CDH12: variants seen among roughly 807,000 people sequenced by gnomAD.
The protein encoded by CDH12 is cadherin-12.
Under a neutral mutation model 74.1 loss-of-function variants are expected in CDH12, and 41 were observed. The observed-to-expected ratio is 0.55, with a 90% CI of 0.43 to 0.72. The LOEUF is 0.72. Ranked by LOEUF, CDH12 falls within the 30% of genes least tolerant of loss-of-function variation. The probability of loss-of-function intolerance (pLI) is 0.00; values close to 1 mark genes in which losing one functional copy is unlikely to be tolerated. For missense variants in CDH12, 945 were observed against 977.2 expected (o/e 0.97, Z 0.44); for synonymous variants, 399 against 355.0 (o/e 1.12, Z -1.39).
chr5:22,135,272 G>C (rs1472420699), intron 4 of CDH12, among the ~76,000 whole-genome samples: 3 of 150,462 alleles, frequency 2.0e-5, no homozygotes, highest in Non-Finnish European at 4.4e-5. Flanking sequence ...AACCACCTTA[G>C]AGTGTTTTTG....
chr5:22,101,240 A>G (rs1744122210), intron 4 of CDH12, among the ~76,000 whole-genome samples: 1 of 152,056 alleles, frequency 6.6e-6, no homozygotes, highest in Non-Finnish European at 1.5e-5. Flanking sequence ...ACACAATTTC[A>G]TCTCCATACA....
At chr5:22,674,700 G>A (rs1248614354) in intron 1 of CDH12, among the ~76,000 whole-genome samples, 2 of 152,152 alleles carry the variant, frequency 1.3e-5, no homozygotes, top group African/African-American at 4.8e-5. Flanking sequence ...TAACGATATG[G>A]ACAAAGAGTT....
At position 21,915,822 on chromosome 5, in the gene CDH12, CTGTGTGTGTG is replaced by C. The variant is rs36126825; in HGVS notation, c.526+59259_526+59268del. On this transcript the variant is annotated intron_variant, in intron 6 of 14. Transcript: ENST00000382254. ...GTACACCAGTTTCTGATCATTTGTG[CTGTGTGTGTG>C]TGTGTGTGTGTGTGTGTGTGTGTGT... Among the ~76,000 whole-genome samples the C allele has an allele frequency of 2.0e-3, 278 of 140,124 alleles. 2 individuals are homozygous for C. The highest frequency in any genetic ancestry group is 6.4e-3 in the African/African-American group (242 of 37,770). 91.9% of individuals were successfully genotyped at this position (140,124 alleles called of 152,430 possible). A position where few individuals can be genotyped will look rare whatever the true frequency, so the allele number is the denominator to read the frequency against.
chr5:22,439,336 T>C (rs1020313899), intron 2 of CDH12, among the ~76,000 whole-genome samples: 5 of 152,048 alleles, frequency 3.3e-5, no homozygotes, highest in Non-Finnish European at 5.9e-5. Context: ...AATGTATTGC[T>C]TCAAGAAAAT....
chr5:22,037,822 C>T (rs1449213791), intron 5 of CDH12, among the ~76,000 whole-genome samples: 1 of 152,096 alleles, frequency 6.6e-6, no homozygotes, highest in Non-Finnish European at 1.5e-5. Flanking sequence ...AACAGGAACC[C>T]CAGTGAGCAC....
chr5:21,971,555 G>A (rs1170432982), intron 6 of CDH12, among the ~76,000 whole-genome samples: 1 of 152,062 alleles, frequency 6.6e-6, no homozygotes, highest in African/African-American at 2.4e-5. Context: ...CAAATCAGCT[G>A]ACTCAAGGTG....
chr5:22,243,627 G>T (rs2150382143), intron 3 of CDH12, among the ~76,000 whole-genome samples: 1 of 152,276 alleles, frequency 6.6e-6, no homozygotes, highest in East Asian at 1.9e-4. Context: ...CAAATTAGAT[G>T]CTTTGGAAAC....
intron 6 of CDH12, among the ~76,000 whole-genome samples, chr5:21,898,389 TAAA>T (rs1338640288): frequency 6.6e-6 from 1 of 151,870 alleles, no homozygotes; most frequent in Non-Finnish European, 1.5e-5. Flanking sequence ...GCACTCAACC[TAAA>T]ATTTCTTTTA....
intron 1 of CDH12, among the ~76,000 whole-genome samples, chr5:22,542,038 T>C (rs934164434): frequency 2.6e-5 from 4 of 152,232 alleles, no homozygotes; most frequent in African/African-American, 9.6e-5. Context: ...ACAGATCACT[T>C]TCCTGAGTTT....
At chr5:22,108,197 A>G (rs1396149063) in intron 4 of CDH12, among the ~76,000 whole-genome samples, 1 of 152,074 alleles carries the variant, frequency 6.6e-6, no homozygotes, top group Non-Finnish European at 1.5e-5. Context: ...GTCTCATGAG[A>G]TCTGATGGTT....
At chr5:21,773,053 A>G (rs1745404934) in intron 11 of CDH12, among the ~76,000 whole-genome samples, 1 of 152,296 alleles carries the variant, frequency 6.6e-6, no homozygotes, top group East Asian at 1.9e-4. Context: ...TACATAGCAT[A>G]TAATAATGAG....
chr5:21,907,161 G>A (rs1055172210), intron 6 of CDH12, among the ~76,000 whole-genome samples: 2 of 152,220 alleles, frequency 1.3e-5, no homozygotes, highest in Admixed American at 1.3e-4. Flanking sequence ...AACCTGGGGT[G>A]CTACAGGTCT....
chr5:22,462,870 T>C (rs1395682423), intron 2 of CDH12, among the ~76,000 whole-genome samples: 1 of 152,148 alleles, frequency 6.6e-6, no homozygotes, highest in African/African-American at 2.4e-5. Flanking sequence ...ACACTGTTAA[T>C]TTAGTTAATT....
At chr5:22,117,469 A>ATATATATATTATATATAT (rs1336856645) in intron 4 of CDH12, among the ~76,000 whole-genome samples, 1 of 69,648 alleles carries the variant, frequency 1.4e-5, no homozygotes, top group Non-Finnish European at 2.6e-5. Context: ...TATATATATA[A>ATATATATATTATATATAT]TATATATATT....
chr5:22,011,566 T>C (rs1737296303), intron 5 of CDH12, among the ~76,000 whole-genome samples: 1 of 152,192 alleles, frequency 6.6e-6, no homozygotes, highest in Non-Finnish European at 1.5e-5. Flanking sequence ...ACAGAACACT[T>C]AGAGCCACAT....
intron 3 of CDH12, among the ~76,000 whole-genome samples, chr5:22,372,671 G>C (rs1220950038): frequency 2.0e-5 from 3 of 152,050 alleles, no homozygotes; most frequent in Non-Finnish European, 4.4e-5. Context: ...GGGCTGTTGT[G>C]GCACCCAGAC....
At chr5:22,432,522 T>C (rs1744214188) in intron 2 of CDH12, among the ~76,000 whole-genome samples, 2 of 151,894 alleles carry the variant, frequency 1.3e-5, no homozygotes, top group East Asian at 3.9e-4. Flanking sequence ...TGAGACTATG[T>C]ATACACATAT....
At chr5:21,969,699 C>T (rs1180861574) in intron 6 of CDH12, among the ~76,000 whole-genome samples, 2 of 152,172 alleles carry the variant, frequency 1.3e-5, no homozygotes, top group African/African-American at 4.8e-5. Flanking sequence ...CTATGAGAAA[C>T]TTAAGTATCT....
In CDH12 at chr5:22,546,652, C is replaced by CTGACATG. The variant is rs548966959; in HGVS notation, c.-522-41295_-522-41289dup. On this transcript the variant is annotated intron_variant, in intron 1 of 14. Coordinates refer to ENST00000382254, the MANE Select transcript of CDH12 (RefSeq NM_004061.5). ...ACATTGGGCAATGTTATGGTACAGT[C>CTGACATG]TGACATGTCAATTTAGTAGAGTATG... is the stretch of plus-strand genomic sequence containing the variant. Among the ~76,000 whole-genome samples, 9 of 152,230 alleles carry CTGACATG rather than the reference C, an allele frequency of 5.9e-5. No homozygotes were observed. In the South Asian group the frequency reaches 6.2e-4, roughly 11 times the overall value.
Sources: gnomAD v4.1 joint callset for allele counts (sites outside exome capture counted in the v4.1 genomes callset) on GRCh38, gnomAD v4.1.1 for gene constraint, MANE v1.5 for transcripts, NCBI Gene and HGNC (gene_info 2026-07-23, HGNC 2026-07-21) for gene names.